Variants in LIPA observed in about 807,000 individuals in gnomAD.
The protein encoded by LIPA is lipase A, lysosomal acid type.
A neutral mutation model predicts 40.6 loss-of-function variants in LIPA; 26 were observed. The observed-to-expected ratio is 0.64, with a 90% CI of 0.47 to 0.89. The LOEUF is 0.89. LIPA is among the 40% of genes least tolerant of loss of function. LIPA has a pLI of 0.00. For synonymous variants in LIPA, 188 were observed against 168.4 expected (o/e 1.12, Z -0.90); for missense variants, 455 against 479.6 (o/e 0.95, Z 0.48).
intron 2 of LIPA, among the ~76,000 whole-genome samples, chr10:89,361,787 C>T (rs1485738124): frequency 6.1e-5 from 9 of 147,486 alleles, no homozygotes; most frequent in East Asian, 4.0e-4. Flanking sequence ...TATGGAATGA[C>T]GTTGACAATG....
chr10:89,342,876 T>C (rs1406391515), upstream of LIPA, among the ~76,000 whole-genome samples: 1 of 152,258 alleles, frequency 6.6e-6, no homozygotes, highest in Non-Finnish European at 1.5e-5. Context: ...TCTTGTCATA[T>C]GACAAAGCAT....
chr10:89,405,894 C>CGGG (rs112771875), intron 2 of LIPA: 45 of 151,490 alleles, frequency 3.0e-4, no homozygotes, highest in African/African-American at 1.0e-3. Flanking sequence ...GATACGATTG[C>CGGG]GGGGGGGGCA....
At chr10:89,385,888 T>A (rs192673242) in intron 2 of LIPA, among the ~76,000 whole-genome samples, 12 of 152,318 alleles carry the variant, frequency 7.9e-5, no homozygotes, top group Middle Eastern at 3.4e-3. Flanking sequence ...ATTCTTGGAG[T>A]GTATTTTATT....
intron 1 of LIPA, among the ~76,000 whole-genome samples, chr10:89,263,884 G>A (rs1843222316): frequency 6.6e-6 from 1 of 152,260 alleles, no homozygotes; most frequent in South Asian, 2.1e-4. Context: ...CTGCTCTGGT[G>A]GGGTGGGCAG....
At position 89,225,227 on chromosome 10, in the gene LIPA, A is replaced by G; in HGVS notation, c.540T>C (p.Gly180=). Residue 180 remains glycine, a splice_region_variant and synonymous_variant, in exon 6 of 10, where the codon GGT becomes GGC. Transcript: ENST00000336233. Reference sequence around the variant, plus strand: ...CAGGGATCTGTGAAAATGCTATAAAACCTGTGAGAACAAAGGACAGAAAAC... The same window carrying G: ...CAGGGATCTGTGAAAATGCTATAAAGCCTGTGAGAACAAAGGACAGAAAAC... The part of the protein sequence containing the change: ...YVGHSQGTTI[G]FIAFSQIPEL... 1.9e-6 allele frequency: 3 copies of G among 1,614,092 alleles called. No homozygotes were observed. The highest frequency in any genetic ancestry group is 2.5e-6 in the Non-Finnish European group (3 of 1,179,990).
chr10:89,219,166 T>G (rs1230897563), intron 8 of LIPA, among the ~76,000 whole-genome samples: 1 of 152,076 alleles, frequency 6.6e-6, no homozygotes, highest in Non-Finnish European at 1.5e-5. Flanking sequence ...TGTTTTTTCC[T>G]TTAAAGAAAA....
At chr10:89,282,727 C>T (rs967726868) in intron 1 of LIPA, among the ~76,000 whole-genome samples, 1 of 152,200 alleles carries the variant, frequency 6.6e-6, no homozygotes, top group African/African-American at 2.4e-5. Flanking sequence ...AGCTTCACAA[C>T]AAGCCTATGA....
At chr10:89,350,319 T>C (rs1217179605) in intron 2 of LIPA, among the ~76,000 whole-genome samples, 3 of 151,690 alleles carry the variant, frequency 2.0e-5, no homozygotes, top group African/African-American at 7.3e-5. Context: ...AGTTACCTTT[T>C]TTTTTAAGAC....
intron 2 of LIPA, chr10:89,392,469 C>CCT (rs1289545720): frequency 5.3e-6 from 1 of 187,528 alleles, no homozygotes; most frequent in African/African-American, 4.1e-5. Context: ...GTTTCATTCC[C>CCT]CACCCCCCCC....
At chr10:89,225,008 C>T in intron 6 of LIPA, 84 bp downstream of exon 6, 1 of 1,504,178 alleles carries the variant, frequency 6.6e-7, no homozygotes, top group Non-Finnish European at 9.2e-7. Flanking sequence ...GAGGAAGGCA[C>T]AGATTATCCC....
chr10:89,268,849 G>A (rs185963950), intron 1 of LIPA, among the ~76,000 whole-genome samples: 11 of 152,046 alleles, frequency 7.2e-5, no homozygotes, highest in Middle Eastern at 3.4e-3. Context: ...AGCTGGGCGC[G>A]GTGACGGGCG....
rs1844310406 is a variant in LIPA at position 89,394,600 on chromosome 10, A to ATATATATATATATATATATATATTT, written c.61+18190_61+18191insAAATATATATATATATATATATATA. On this transcript the variant is annotated intron_variant, in intron 2 of 8. Coordinates refer to the LIPA transcript ENST00000371837. The stretch of plus-strand genomic sequence containing the variant: ...AAAATATATATATATATATATATAT[A>ATATATATATATATATATATATATTT]TATATATATATATATATATATATAT... Among the ~76,000 whole-genome samples the ATATATATATATATATATATATATTT allele has an allele frequency of 1.8e-4, 5 of 28,086 alleles. 1 individual carries two copies. The highest frequency in any genetic ancestry group is 1.5e-3 in the African/African-American group (5 of 3,286). 18.4% of individuals were successfully genotyped at this position (28,086 alleles called of 152,430 possible).
chr10:89,221,930 T>C (rs960147013), intron 8 of LIPA, among the ~76,000 whole-genome samples: 3 of 152,220 alleles, frequency 2.0e-5, no homozygotes, highest in African/African-American at 7.2e-5. Context: ...TTTTTCTAGA[T>C]GTAGTTTCTA....
Position 89,319,886 on chromosome 10 carries a change from A to T in LIPA, c.-2+22725T>A, listed in dbSNP as rs374994262. On this transcript the variant is annotated intron_variant, in intron 1 of 5. Transcript: ENST00000282673. ...TATCCACCATGATCAAGTTAGCTTC[A>T]TCACTGGGATGCAAGGCTGGTTCAA... 5.2e-5 allele frequency among the ~76,000 whole-genome samples: 8 copies of T among 152,386 alleles called. No individual in the cohort carries two copies. The South Asian group carries it at 1.7e-3, about 32-fold the overall frequency.
chr10:89,313,265 G>A (rs534184476), intron 1 of LIPA, among the ~76,000 whole-genome samples: 10 of 152,178 alleles, frequency 6.6e-5, no homozygotes, highest in Non-Finnish European at 1.0e-4. Context: ...TTGAATAGCA[G>A]AGGTATAGAC....
intron 1 of LIPA, among the ~76,000 whole-genome samples, chr10:89,284,770 C>G (rs1163597996): frequency 2.0e-5 from 3 of 152,166 alleles, no homozygotes; most frequent in Admixed American, 6.5e-5. Context: ...GTGACCTGCA[C>G]GTATAAATCC....
At chr10:89,307,441 G>T in intron 1 of LIPA, 1 of 1,322,216 alleles carries the variant, frequency 7.6e-7, no homozygotes, top group Non-Finnish European at 1.0e-6. Context: ...CACCAAGTTG[G>T]TATTCAAAAT....
rs376400180 is a variant in LIPA, at chr10:89,270,912, T to C, written c.-1-23263A>G. 2.2e-4 allele frequency among the ~76,000 whole-genome samples: 33 copies of C among 152,344 alleles called. No individual in the cohort carries two copies. The South Asian group carries it at 6.8e-3, about 32-fold the overall frequency. On this transcript the variant is annotated intron_variant, in intron 1 of 5. Transcript: ENST00000282673. ...TTTTGATGAACAGTGGCTGGCTTAC[T>C]TTGGGGCTCTAGTAGAGACTGAATG...
At chr10:89,400,002 C>G (rs1384378896) in intron 2 of LIPA, among the ~76,000 whole-genome samples, 2 of 152,190 alleles carry the variant, frequency 1.3e-5, no homozygotes, top group Non-Finnish European at 1.5e-5. Context: ...GCCTCGAGAA[C>G]TGTAAGAAAA....
Sources: allele counts gnomAD v4.1 joint callset (sites outside exome capture counted in the v4.1 genomes callset), GRCh38; gene constraint gnomAD v4.1.1; transcripts MANE v1.5; gene names NCBI Gene and HGNC (gene_info 2026-07-23, HGNC 2026-07-21).